Variants in DIS3L observed in about 807,000 individuals in gnomAD.
The protein encoded by DIS3L is DIS3-like exonuclease 1.
A neutral mutation model predicts 120.3 loss-of-function variants in DIS3L; 100 were observed. That is an observed-to-expected ratio of 0.83 (90% CI 0.71 to 0.98). DIS3L has a LOEUF of 0.98. Ranked by LOEUF, DIS3L falls within the 50% of genes least tolerant of loss-of-function variation. DIS3L has a pLI of 0.00. For missense variants in DIS3L, 1,196 were observed against 1,314.2 expected, an observed-to-expected ratio of 0.91 and a Z score of 1.39; for synonymous variants, 426 against 470.6, an observed-to-expected ratio of 0.91 and a Z score of 1.23.
At chr15:66,323,400 G>A (rs1208799347) in intron 10 of DIS3L, 93 bp from the exon 11 acceptor site, 5 of 1,224,300 alleles carry the variant, frequency 4.1e-6, no homozygotes, top group African/African-American at 1.5e-5. Context: ...TCTGTAGTGA[G>A]ATTTTGGCCA....
At chr15:66,308,080 G>A (rs1307646972) in intron 3 of DIS3L, among the ~76,000 whole-genome samples, 1 of 152,182 alleles carries the variant, frequency 6.6e-6, no homozygotes, top group Non-Finnish European at 1.5e-5. Context: ...GCTGAGGCAG[G>A]AGGATCACTT....
intron 1 of DIS3L, chr15:66,294,419 G>A (rs1270122120): frequency 1.0e-6 from 1 of 985,692 alleles, no homozygotes; most frequent in Non-Finnish European, 1.2e-6. Flanking sequence ...GTCAGCGAAT[G>A]TGTGGAATCC....
chr15:66,293,569 C>A lies in DIS3L; in HGVS notation c.-28C>A, dbSNP rs75040294. 88,174 of 1,414,394 alleles carry A rather than the reference C, an allele frequency of 0.062. 3,162 individuals carry two copies. The highest frequency in any genetic ancestry group is 0.16 in the East Asian group (4,726 of 29,862). 87.6% of individuals were successfully genotyped at this position (1,414,394 alleles called of 1,614,324 possible). A position where few individuals can be genotyped will look rare whatever the true frequency, so the allele number is the denominator to read the frequency against. On this transcript the variant is annotated 5_prime_UTR_variant, in exon 1 of 17. Coordinates refer to ENST00000319212, the MANE Select transcript of DIS3L (RefSeq NM_001143688.3). Reference sequence around the variant, plus strand: ...GGCCTTGCCTCCGCCGCGCCCGCCACTCCGCGGCCGCCGGGAGACACGCCG... The same window carrying A: ...GGCCTTGCCTCCGCCGCGCCCGCCAATCCGCGGCCGCCGGGAGACACGCCG...
intron 2 of DIS3L, 34 bp from the exon 3 acceptor site, chr15:66,306,790 T>C: frequency 6.2e-7 from 1 of 1,612,472 alleles, no homozygotes; most frequent in South Asian, 1.1e-5. Context: ...GAGTACCTGC[T>C]TTGTTAGAGT....
At chr15:66,321,544 A>C (rs1271352116) in intron 9 of DIS3L, among the ~76,000 whole-genome samples, 3 of 152,120 alleles carry the variant, frequency 2.0e-5, no homozygotes, top group Non-Finnish European at 2.9e-5. Flanking sequence ...CAGGTGAATC[A>C]CCAGGTCAGG....
rs755474998 is a variant in DIS3L, at chr15:66,322,913, T to C, written c.1553T>C (p.Ile518Thr). 1.2e-5 allele frequency: 20 copies of C among 1,614,048 alleles called. No individual in the cohort carries two copies. Among genetic ancestry groups the C allele is most frequent in the Non-Finnish European group, 1.7e-5 (20 of 1,180,038 alleles). Residue 518 changes from isoleucine to threonine, a missense_variant, in exon 10 of 17, where the codon ATT (isoleucine) becomes ACT (threonine). Physicochemically the swap from Ile to Thr is moderately conservative, Grantham distance 89 (BLOSUM62 -1). Transcript: ENST00000319212. ...CACTTTGTGGCACCAAATTCTTACA[T>C]TGATATTGAAGCTAGAACAAGGTAA... ...VTHFVAPNSY[I>T]DIEARTRATT...
intron 12 of DIS3L, 165 bp downstream of exon 12, chr15:66,326,529 G>T (rs1421968738): frequency 2.6e-6 from 2 of 782,012 alleles, no homozygotes; most frequent in Non-Finnish European, 3.9e-6. Context: ...TCATTGTTAT[G>T]TATAGAGACT....
intron 15 of DIS3L, 122 bp downstream of exon 15, chr15:66,332,142 T>A: frequency 9.9e-7 from 1 of 1,011,348 alleles, no homozygotes; most frequent in Non-Finnish European, 1.4e-6. Flanking sequence ...GTACATAATG[T>A]AATGTATAAT....
intron 3 of DIS3L, among the ~76,000 whole-genome samples, chr15:66,307,303 A>AT (rs962535047): frequency 4.0e-5 from 6 of 150,050 alleles, no homozygotes; most frequent in South Asian, 2.1e-4. Context: ...ATTTTTTTTA[A>AT]TTTTTTTTTG....
chr15:66,306,636 C>T (rs1214846030), intron 2 of DIS3L, 188 bp from the exon 3 acceptor site: 5 of 703,416 alleles, frequency 7.1e-6, no homozygotes, highest in Non-Finnish European at 1.1e-5. Flanking sequence ...TTCTAGCAGG[C>T]AAAATCGAGA....
rs770409836 is a variant in DIS3L at position 66,331,827 on chromosome 15, G to A, written c.2536-48G>A. Reference sequence around the variant, plus strand: ...ATGAATATGAATTTCGTTTCTTTGGGGAATGCCAGGGGAGTGTTAAAATGC... The same window carrying A: ...ATGAATATGAATTTCGTTTCTTTGGAGAATGCCAGGGGAGTGTTAAAATGC... On this transcript the variant is annotated intron_variant, in intron 14 of 16. Transcript: ENST00000319212. 1.0e-5 allele frequency: 15 copies of A among 1,440,924 alleles called. No homozygotes were observed. In the South Asian group the frequency reaches 2.3e-4, roughly 22 times the overall value. 89.3% of individuals were successfully genotyped at this position (1,440,924 alleles called of 1,614,324 possible).
upstream of DIS3L, chr15:66,293,309 G>A: frequency 3.5e-6 from 1 of 284,206 alleles, no homozygotes; most frequent in Non-Finnish European, 5.8e-6. Context: ...GGACAGCTGC[G>A]CCCAGCCCTT....
At chr15:66,321,523 G>A (rs935034660) in intron 9 of DIS3L, among the ~76,000 whole-genome samples, 1 of 152,066 alleles carries the variant, frequency 6.6e-6, no homozygotes, top group African/African-American at 2.4e-5. Flanking sequence ...CAGCACTTTG[G>A]GAGGCCAAGG....
chr15:66,317,992 T>C (rs1363396710), intron 7 of DIS3L, among the ~76,000 whole-genome samples: 4 of 152,206 alleles, frequency 2.6e-5, no homozygotes, highest in Non-Finnish European at 5.9e-5. Flanking sequence ...TGTTTGTTAT[T>C]GAGACGGCAT....
At chr15:66,298,441 C>T (rs12914540) in intron 2 of DIS3L, among the ~76,000 whole-genome samples, 29,767 of 152,094 alleles carry the variant, frequency 0.2, 3,231 homozygotes, top group Non-Finnish European at 0.24. Flanking sequence ...CTAGTGTAAG[C>T]TAAATAATCA....
intron 8 of DIS3L, among the ~76,000 whole-genome samples, chr15:66,319,959 A>AAAG (rs2140382008): frequency 6.6e-6 from 1 of 151,312 alleles, no homozygotes; most frequent in East Asian, 1.9e-4. Flanking sequence ...TACTAAAAAA[A>AAAG]AAAAAAAAAA....
At chr15:66,324,900 A>C (rs1255352776) in intron 11 of DIS3L, among the ~76,000 whole-genome samples, 1 of 152,166 alleles carries the variant, frequency 6.6e-6, no homozygotes, top group Non-Finnish European at 1.5e-5. Context: ...GTTTTTTATG[A>C]GTTCCAAATG....
intron 12 of DIS3L, among the ~76,000 whole-genome samples, chr15:66,326,836 C>T (rs1352493239): frequency 6.6e-6 from 1 of 151,914 alleles, no homozygotes; most frequent in Admixed American, 6.6e-5. Context: ...CCTGCCTCGG[C>T]CTCCCAAACT....
At chr15:66,304,612 A>G (rs2092683373) in intron 2 of DIS3L, among the ~76,000 whole-genome samples, 1 of 152,276 alleles carries the variant, frequency 6.6e-6, no homozygotes, top group South Asian at 2.1e-4. Flanking sequence ...TTATTAAGAT[A>G]TTTTATGGCC....
Sources: allele counts gnomAD v4.1 joint callset (sites outside exome capture counted in the v4.1 genomes callset), GRCh38; gene constraint gnomAD v4.1.1; transcripts MANE v1.5; gene names NCBI Gene and HGNC (gene_info 2026-07-23, HGNC 2026-07-21).